Variants in PTPRD observed in about 807,000 individuals in gnomAD.
The protein encoded by PTPRD is receptor-type tyrosine-protein phosphatase delta.
Under a neutral mutation model 214.5 loss-of-function variants are expected in PTPRD, and 34 were observed. The ratio of observed to expected loss-of-function variants is 0.16; its 90% CI spans 0.12 to 0.21. The LOEUF is 0.21. PTPRD is among the 10% of genes least tolerant of loss of function. PTPRD has a pLI of 1.00. For synonymous variants in PTPRD, 1,128 were observed against 845.7 expected (o/e 1.33, Z -5.79); for missense variants, 2,545 against 2,398.7 (o/e 1.06, Z -1.27).
chr9:9,144,610 G>A (rs767287017), intron 10 of PTPRD, among the ~76,000 whole-genome samples: 2 of 152,110 alleles, frequency 1.3e-5, no homozygotes, highest in South Asian at 2.1e-4. Flanking sequence ...AAAATTAGCT[G>A]GGTGTGGTGG....
chr9:9,850,888 T>G (rs1253218366), intron 5 of PTPRD, among the ~76,000 whole-genome samples: 1 of 152,176 alleles, frequency 6.6e-6, no homozygotes, highest in East Asian at 1.9e-4. Context: ...TCTATGAATT[T>G]GACCTTTTCT....
intron 6 of PTPRD, among the ~76,000 whole-genome samples, chr9:9,759,072 T>A (rs1024762977): frequency 6.6e-6 from 1 of 152,124 alleles, no homozygotes; most frequent in Non-Finnish European, 1.5e-5. Flanking sequence ...ATCAAACCAA[T>A]TTTGATGATT....
chr9:9,386,906 C>G (rs898629110), intron 9 of PTPRD, among the ~76,000 whole-genome samples: 1 of 152,128 alleles, frequency 6.6e-6, no homozygotes, highest in African/African-American at 2.4e-5. Flanking sequence ...GGCATTTTCC[C>G]TTATCTAAAG....
chr9:9,504,011 A>T (rs2096505568), intron 8 of PTPRD, among the ~76,000 whole-genome samples: 1 of 151,722 alleles, frequency 6.6e-6, no homozygotes. Flanking sequence ...TTATTCCTTT[A>T]AAAATCTTTG....
intron 7 of PTPRD, among the ~76,000 whole-genome samples, chr9:9,590,219 T>C (rs1329332003): frequency 2.0e-5 from 3 of 152,040 alleles, no homozygotes; most frequent in Non-Finnish European, 4.4e-5. Context: ...TCTATTTTTT[T>C]TTCCACAGGG....
intron 12 of PTPRD, among the ~76,000 whole-genome samples, chr9:8,668,422 C>G (rs2154361083): frequency 6.6e-6 from 1 of 152,294 alleles, no homozygotes; most frequent in South Asian, 2.1e-4. Flanking sequence ...CACATATGTT[C>G]ACCACAGTTT....
intron 14 of PTPRD, among the ~76,000 whole-genome samples, chr9:8,607,530 C>T (rs961000914): frequency 1.2e-4 from 19 of 152,114 alleles, no homozygotes; most frequent in Admixed American, 5.9e-4. Flanking sequence ...GTAATACCAG[C>T]TGCTCAGGAG....
chr9:8,767,755 T>C (rs2094874197), intron 11 of PTPRD, among the ~76,000 whole-genome samples: 1 of 152,178 alleles, frequency 6.6e-6, no homozygotes, highest in South Asian at 2.1e-4. Flanking sequence ...GTCAGAATCT[T>C]TCAAGGGGAG....
intron 21 of PTPRD, among the ~76,000 whole-genome samples, chr9:8,513,871 G>A (rs1229596930): frequency 6.6e-6 from 1 of 152,058 alleles, no homozygotes; most frequent in Admixed American, 6.5e-5. Flanking sequence ...AGCTTATTGA[G>A]CTTGGCAGGC....
chr9:8,490,937 C>T (rs2097136927), intron 27 of PTPRD, among the ~76,000 whole-genome samples: 1 of 152,134 alleles, frequency 6.6e-6, no homozygotes, highest in Non-Finnish European at 1.5e-5. Flanking sequence ...TAGGAGCTCA[C>T]ATCTGTGAGA....
rs77704444 is a variant in PTPRD at position 10,549,908 on chromosome 9, C to T, written c.-600+62490G>A. On this transcript the variant is annotated intron_variant, in intron 2 of 45. Coordinates refer to ENST00000381196, the MANE Select transcript of PTPRD (RefSeq NM_002839.4). ...AACCAATGTGTCTTCTATCATTCCT[C>T]AAAATTGTTACCCCAACTTTATTGT... 2.0e-5 allele frequency among the ~76,000 whole-genome samples: 3 copies of T among 152,114 alleles called. No individual in the cohort carries two copies. In the South Asian group the frequency reaches 6.2e-4, roughly 32 times the overall value.
At chr9:8,475,802 T>C (rs2096751978) in intron 30 of PTPRD, among the ~76,000 whole-genome samples, 2 of 152,118 alleles carry the variant, frequency 1.3e-5, no homozygotes, top group Non-Finnish European at 1.5e-5. Flanking sequence ...TGCACGTGCT[T>C]TTCTCCATCT....
At chr9:8,732,928 G>A (rs569018758) in intron 12 of PTPRD, among the ~76,000 whole-genome samples, 6 of 152,244 alleles carry the variant, frequency 3.9e-5, no homozygotes, top group African/African-American at 9.6e-5. Context: ...CTCATACTAG[G>A]TGATTCCCAA....
intron 37 of PTPRD, among the ~76,000 whole-genome samples, chr9:8,380,477 G>A (rs549479352): frequency 6.6e-6 from 1 of 152,266 alleles, no homozygotes; most frequent in South Asian, 2.1e-4. Flanking sequence ...AACTGAGACA[G>A]TTCAGATTTT....
chr9:9,333,047 G>C (rs1380854190), intron 9 of PTPRD, among the ~76,000 whole-genome samples: 3 of 152,054 alleles, frequency 2.0e-5, no homozygotes, highest in East Asian at 1.9e-4. Context: ...AGCACTTCAA[G>C]CATTTATTAA....
chr9:10,364,001 T>TGC (rs1565556990), intron 2 of PTPRD, among the ~76,000 whole-genome samples: 17 of 123,296 alleles, frequency 1.4e-4, no homozygotes, highest in Admixed American at 2.5e-4. Flanking sequence ...GTTTTTTTTT[T>TGC]TTTTTTTTTT....
At chr9:10,571,845 G>A (rs2067550941) in intron 2 of PTPRD, among the ~76,000 whole-genome samples, 1 of 152,256 alleles carries the variant, frequency 6.6e-6, no homozygotes, top group South Asian at 2.1e-4. Context: ...GCTCCTGTGA[G>A]AATTGAATGC....
At chr9:9,955,353 C>A (rs2093813490) in intron 4 of PTPRD, among the ~76,000 whole-genome samples, 1 of 152,146 alleles carries the variant, frequency 6.6e-6, no homozygotes, top group African/African-American at 2.4e-5. Flanking sequence ...AAGCTATATT[C>A]TTAAATAAAT....
intron 2 of PTPRD, among the ~76,000 whole-genome samples, chr9:10,451,465 T>C (rs1026159461): frequency 6.6e-6 from 1 of 151,872 alleles, no homozygotes; most frequent in African/African-American, 2.4e-5. Context: ...AGATCCTTAA[T>C]GAGACATCCT....
Sources: allele counts gnomAD v4.1 joint callset (sites outside exome capture counted in the v4.1 genomes callset), GRCh38; gene constraint gnomAD v4.1.1; transcripts MANE v1.5; gene names NCBI Gene and HGNC (gene_info 2026-07-23, HGNC 2026-07-21).